LRRC4C: variants seen among roughly 807,000 people sequenced by gnomAD.
The protein encoded by LRRC4C is leucine-rich repeat-containing protein 4C.
LRRC4C carries 5 observed loss-of-function variants against 33.6 expected under a neutral mutation model. That is an observed-to-expected ratio of 0.15 (90% confidence interval 0.08 to 0.31). The LOEUF is 0.31. Among genes scored for constraint, LRRC4C ranks in the 10% least tolerant of loss-of-function variants. The pLI is 1.00. For missense variants in LRRC4C, 560 were observed against 796.7 expected (o/e 0.70, Z 3.58); for synonymous variants, 329 against 302.0 (o/e 1.09, Z -0.93).
At chr11:41,272,904 G>A (rs10837607) in intron 1 of LRRC4C, among the ~76,000 whole-genome samples, 27,704 of 152,016 alleles carry the variant, frequency 0.18, 3,102 homozygotes, top group East Asian at 0.44. Context: ...GCTGCATGAA[G>A]CAATTAAGAG....
chr11:41,135,395 G>C (rs1943213873), intron 1 of LRRC4C, among the ~76,000 whole-genome samples: 1 of 152,120 alleles, frequency 6.6e-6, no homozygotes, highest in South Asian at 2.1e-4. Flanking sequence ...AGGCATTTGG[G>C]AGTATCTGAA....
rs140872392 is a variant in LRRC4C at position 40,156,706 on chromosome 11, C to G, written c.-95-15853G>C. Among the ~76,000 whole-genome samples the G allele has an allele frequency of 3.6e-3, 552 of 151,750 alleles. 6 individuals are homozygous for G. Among genetic ancestry groups the G allele is most frequent in the African/African-American group, 0.012 (508 of 41,434 alleles). ...CAACAACACTTAGAATATACCTAAC[C>G]AAGGAGTCAAAAGACCTCTACAAGG... On this transcript the variant is annotated intron_variant, in intron 5 of 6. Coordinates refer to ENST00000528697, the MANE Select transcript of LRRC4C (RefSeq NM_001258419.2).
At chr11:41,016,522 C>T (rs1329855797) in intron 1 of LRRC4C, among the ~76,000 whole-genome samples, 2 of 152,126 alleles carry the variant, frequency 1.3e-5, no homozygotes, top group Non-Finnish European at 2.9e-5. Context: ...TTCCCTTTTG[C>T]GATCTTATTT....
chr11:40,383,058 C>A (rs969838354), intron 3 of LRRC4C, among the ~76,000 whole-genome samples: 3 of 152,068 alleles, frequency 2.0e-5, no homozygotes, highest in Non-Finnish European at 4.4e-5. Flanking sequence ...AGGTACCGTT[C>A]TTTTCTCTGC....
At chr11:40,597,178 A>G (rs1368785297) in intron 3 of LRRC4C, among the ~76,000 whole-genome samples, 1 of 152,166 alleles carries the variant, frequency 6.6e-6, no homozygotes, top group East Asian at 1.9e-4. Flanking sequence ...AAGGGTAAAT[A>G]GCATTTGGTA....
intron 2 of LRRC4C, among the ~76,000 whole-genome samples, chr11:40,752,975 T>C (rs11036063): frequency 6.6e-6 from 1 of 152,124 alleles, no homozygotes; most frequent in Non-Finnish European, 1.5e-5. Context: ...GGCAGTAACA[T>C]GTATAGAACT....
chr11:40,735,083 A>G lies in LRRC4C; in HGVS notation c.-406-86805T>C, dbSNP rs189586664. On this transcript the variant is annotated intron_variant, in intron 2 of 6. Coordinates refer to ENST00000528697, the MANE Select transcript of LRRC4C (RefSeq NM_001258419.2). ...GGGGAATACAGGACTCAAATCAGTG[A>G]CCTCCCACATTCTCAGGCATTTGGC... 5.3e-5 allele frequency among the ~76,000 whole-genome samples: 8 copies of G among 151,750 alleles called. No individual in the cohort carries two copies. The East Asian group carries it at 1.6e-3, about 29-fold the overall frequency.
chr11:40,949,906 A>G (rs1958615135), intron 1 of LRRC4C, among the ~76,000 whole-genome samples: 1 of 152,176 alleles, frequency 6.6e-6, no homozygotes, highest in Non-Finnish European at 1.5e-5. Context: ...GCTCCAATTA[A>G]AAGACACAGA....
chr11:40,781,403 T>C (rs1488094672), intron 2 of LRRC4C, among the ~76,000 whole-genome samples: 1 of 152,158 alleles, frequency 6.6e-6, no homozygotes, highest in Non-Finnish European at 1.5e-5. Context: ...TTTCTTATTA[T>C]GAGTTCACAA....
chr11:40,183,505 A>C (rs913896579), intron 5 of LRRC4C, among the ~76,000 whole-genome samples: 1 of 152,204 alleles, frequency 6.6e-6, no homozygotes, highest in Non-Finnish European at 1.5e-5. Context: ...GAAGACTAGA[A>C]TCAATCATCA....
intron 2 of LRRC4C, among the ~76,000 whole-genome samples, chr11:40,760,572 T>A (rs1050392667): frequency 1.3e-5 from 2 of 151,856 alleles, no homozygotes; most frequent in African/African-American, 4.8e-5. Flanking sequence ...TACTTTTGGA[T>A]CATTTATTAT....
intron 2 of LRRC4C, among the ~76,000 whole-genome samples, chr11:40,833,196 AT>A (rs1952497027): frequency 6.6e-6 from 1 of 151,998 alleles, no homozygotes; most frequent in Non-Finnish European, 1.5e-5. Context: ...CTGACTCAAA[AT>A]TTTTCTCTGA....
Position 41,126,654 on chromosome 11 carries a change from A to G in LRRC4C, c.-495-192931T>C, listed in dbSNP as rs574485005. Among the ~76,000 whole-genome samples the G allele has an allele frequency of 1.2e-4, 18 of 152,066 alleles. No homozygotes were observed. In the South Asian group the frequency reaches 3.5e-3, roughly 30 times the overall value. Reference sequence around the variant, plus strand: ...ACTGATTCTGGCCTTCCTTTGGCCCATAGGGCATCAACAAACACGAAACAA... The same window carrying G: ...ACTGATTCTGGCCTTCCTTTGGCCCGTAGGGCATCAACAAACACGAAACAA... On this transcript the variant is annotated intron_variant, in intron 1 of 6. Coordinates refer to ENST00000528697, the MANE Select transcript of LRRC4C (RefSeq NM_001258419.2).
Position 40,726,138 on chromosome 11 carries a change from A to G in LRRC4C, c.-406-77860T>C, listed in dbSNP as rs1014468714. ...AGACCAATAGTGAGTTCTGAAATTT[A>G]ATCAGTAATTTAAAAACCTATCAAC... On this transcript the variant is annotated intron_variant, in intron 2 of 6. Transcript: ENST00000528697. Among the ~76,000 whole-genome samples the G allele has an allele frequency of 7.3e-5, 11 of 151,476 alleles. No homozygotes were observed. In the South Asian group the frequency reaches 1.5e-3, roughly 20 times the overall value.
At chr11:40,965,377 G>A (rs405770) in intron 1 of LRRC4C, among the ~76,000 whole-genome samples, 147,076 of 152,146 alleles carry the variant, frequency 0.97, 71,285 homozygotes, top group Middle Eastern at 1. Flanking sequence ...GTTTAATGAG[G>A]TCCCATTTGT....
intron 3 of LRRC4C, among the ~76,000 whole-genome samples, chr11:40,517,447 T>C (rs936489882): frequency 1.3e-5 from 2 of 152,166 alleles, no homozygotes; most frequent in Non-Finnish European, 2.9e-5. Flanking sequence ...AGCGGAAATT[T>C]CACAAGGCTA....
intron 1 of LRRC4C, among the ~76,000 whole-genome samples, chr11:41,120,264 C>G (rs1418829905): frequency 6.6e-6 from 1 of 152,110 alleles, no homozygotes; most frequent in African/African-American, 2.4e-5. Context: ...TCTTTTCATT[C>G]ATCCAACCTG....
Position 40,210,990 on chromosome 11 carries a change from T to C in LRRC4C, c.-96+30529A>G, listed in dbSNP as rs545096065. Among the ~76,000 whole-genome samples the C allele has an allele frequency of 1.6e-3, 247 of 152,236 alleles. 1 individual carries two copies. The highest frequency in any genetic ancestry group is 3.4e-3 in the Middle Eastern group (1 of 294). ...CGGGATTTCACCATGTTGGCCAGGT[T>C]GGTTTCAAACTCCTGATCTAAAGTC... On this transcript the variant is annotated intron_variant, in intron 5 of 6. Transcript: ENST00000528697.
chr11:40,849,076 T>C (rs1953348069), intron 2 of LRRC4C, among the ~76,000 whole-genome samples: 1 of 152,052 alleles, frequency 6.6e-6, no homozygotes, highest in African/African-American at 2.4e-5. Flanking sequence ...ACAGCACACA[T>C]ATGGTTCTTG....
Sources: gnomAD v4.1 joint callset for allele counts (sites outside exome capture counted in the v4.1 genomes callset) on GRCh38, gnomAD v4.1.1 for gene constraint, MANE v1.5 for transcripts, NCBI Gene and HGNC (gene_info 2026-07-23, HGNC 2026-07-21) for gene names.